Variants in DHRS13 observed in about 807,000 individuals in gnomAD.
DHRS13 encodes dehydrogenase/reductase 13.
In DHRS13, 22 loss-of-function variants were observed where a neutral mutation model predicts 17.9. The observed-to-expected ratio is 1.23, with a 90% CI of 0.88 to 1.75. The LOEUF (loss-of-function observed/expected upper bound fraction) is 1.75, where lower values mean the gene tolerates loss of function less well. Ranked by LOEUF, DHRS13 falls within the 40% of genes most tolerant of loss-of-function variation. The pLI is 0.00. For synonymous variants in DHRS13, 206 were observed against 220.4 expected, an observed-to-expected ratio of 0.93 and a Z score of 0.58; for missense variants, 483 against 519.9, an observed-to-expected ratio of 0.93 and a Z score of 0.69.
In DHRS13 at chr17:28,901,375, G is replaced by A. The variant is rs1179832232; in HGVS notation, c.371-74C>T. ...GCCTTGGCATCCCTATCTATGAGAT[G>A]GGAGAAGGGGGCATCCTTCCCATGT... On this transcript the variant is annotated intron_variant, in intron 3 of 4. Coordinates refer to ENST00000378895, the MANE Select transcript of DHRS13 (RefSeq NM_144683.4). This position sits in a 1 kb window ranked among gnomAD's most constrained non-coding sequence, Gnocchi z 4.3. The A allele has an allele frequency of 6.3e-7, 1 of 1,583,270 alleles. No individual in the cohort carries two copies. Among genetic ancestry groups the A allele is most frequent in the African/African-American group, 1.3e-5 (1 of 74,276 alleles).
In DHRS13 at chr17:28,898,515, G is replaced by A. The variant is rs2039778736; in HGVS notation, c.1060C>T (p.Gln354Ter). 1.9e-6 allele frequency: 3 copies of A among 1,608,020 alleles called. No homozygotes were observed. The highest frequency in any genetic ancestry group is 1.7e-6 in the Non-Finnish European group (2 of 1,177,136). The change falls in exon 5 of 5, where the codon CAG (glutamine) becomes TAG (stop). Residue 354 changes from glutamine (Q) to a stop codon, truncating the protein, a stop_gained. Transcript: ENST00000378895. LOFTEE classifies it high-confidence loss of function. ...ATCTTAGACAAATCTGGTGAGCTCTGAGGGCTGGGGTAAGGTTGAGAAACT... is the reference window on the plus strand; with the variant it reads ...ATCTTAGACAAATCTGGTGAGCTCTAAGGGCTGGGGTAAGGTTGAGAAACT... ...PTVSQPYPSP[Q>*]SSPDLSKMTH... is the part of the protein sequence containing the mutation.
rs1470118612 is a variant in DHRS13 at position 28,901,752 on chromosome 17, T to A, written c.247-136A>T. On this transcript the variant is annotated intron_variant, in intron 2 of 4. Transcript: ENST00000378895. This position sits in a 1 kb window ranked among gnomAD's most constrained non-coding sequence, Gnocchi z 4.3. ...TGTGTCTTAGAGTGTACTAGATAAG[T>A]GTGTGGATTCAAATCCTGACTTTGC... The A allele has an allele frequency of 7.1e-7, 1 of 1,402,056 alleles. No individual in the cohort carries two copies. Among genetic ancestry groups the A allele is most frequent in the African/African-American group, 1.4e-5 (1 of 69,272 alleles). 86.9% of individuals were successfully genotyped at this position (1,402,056 alleles called of 1,614,324 possible). A position where few individuals can be genotyped will look rare whatever the true frequency, so the allele number is the denominator to read the frequency against.
In DHRS13 at chr17:28,901,646, C is replaced by G. The variant is rs2039806919; in HGVS notation, c.247-30G>C. 6.2e-7 allele frequency: 1 copy of G among 1,611,268 alleles called. No individual in the cohort carries two copies. Among genetic ancestry groups the G allele is most frequent in the Non-Finnish European group, 8.5e-7 (1 of 1,177,760 alleles). ...GGAGAGGCAAGGGCTGGGCTTGTCA[C>G]CAGGCATCTCTCTCCTCTTCCCTCT... On this transcript the variant is annotated intron_variant, in intron 2 of 4. Transcript: ENST00000378895. The surrounding 1 kb of genome is among the most constrained non-coding windows in gnomAD (Gnocchi z 4.3).
Position 28,898,714 on chromosome 17 carries a change from C to T in DHRS13, c.861G>A (p.Val287=). ...LSGRYFANCH[V]EEVPPAARDD... Reference sequence around the variant, plus strand: ...CTCGGGCAGCTGGAGGCACCTCTTCCACATGGCAGTTGGCAAAATATCTCC... The same window carrying T: ...CTCGGGCAGCTGGAGGCACCTCTTCTACATGGCAGTTGGCAAAATATCTCC... Residue 287 remains valine (V), a synonymous_variant, in exon 5 of 5, where the codon GTG becomes GTA. Coordinates refer to ENST00000378895, the MANE Select transcript of DHRS13 (RefSeq NM_144683.4). The T allele has an allele frequency of 6.2e-7, 1 of 1,614,018 alleles. No individual in the cohort carries two copies. The highest frequency in any genetic ancestry group is 8.5e-7 in the Non-Finnish European group (1 of 1,179,932).
Position 28,901,841 on chromosome 17 carries a change from CG to C in DHRS13, c.247-226del, listed in dbSNP as rs2039808255. ...TCTCTGGGTCTCAGTTCTCTCACTG[CG>C]TAAAGGGAATAATAATAACAACAGT... On this transcript the variant is annotated intron_variant, in intron 2 of 4. Coordinates refer to ENST00000378895, the MANE Select transcript of DHRS13 (RefSeq NM_144683.4). The surrounding 1 kb of genome is among the most constrained non-coding windows in gnomAD (Gnocchi z 4.3). 3.3e-6 allele frequency: 2 copies of C among 601,132 alleles called. No individual in the cohort carries two copies. Among genetic ancestry groups the C allele is most frequent in the Non-Finnish European group, 5.6e-6 (2 of 357,636 alleles). 37.2% of individuals were successfully genotyped at this position (601,132 alleles called of 1,614,324 possible). A position where few individuals can be genotyped will look rare whatever the true frequency, so the allele number is the denominator to read the frequency against.
chr17:28,903,058 C>T lies in DHRS13; in HGVS notation c.-114G>A. The T allele has an allele frequency of 8.0e-6, 8 of 993,994 alleles. No homozygotes were observed. The highest frequency in any genetic ancestry group is 9.0e-6 in the Non-Finnish European group (7 of 777,168). The allele number at this position is 993,994 out of a possible 1,614,324, so 61.6% of individuals were successfully genotyped here. On this transcript the variant is annotated 5_prime_UTR_variant, in exon 1 of 5. Coordinates refer to ENST00000378895, the MANE Select transcript of DHRS13 (RefSeq NM_144683.4). The surrounding 1 kb of genome is among the most constrained non-coding windows in gnomAD (Gnocchi z 4.8). The stretch of plus-strand genomic sequence containing the variant: ...AACGGCGCCCGGGCGCGTCAGCCTC[C>T]GAAGGCGGAGGCGGGCAGGAGGCTG...
At position 28,901,400 on chromosome 17, in the gene DHRS13, T is replaced by C; in HGVS notation, c.370+93A>G. ...GGGAGAAGGGGGCATCCTTCCCATG[T>C]GTCCACTGGCCCCAGCAGGGCCCCC... On this transcript the variant is annotated intron_variant, in intron 3 of 4. Transcript: ENST00000378895. This position sits in a 1 kb window ranked among gnomAD's most constrained non-coding sequence, Gnocchi z 4.3. 1 of 1,597,272 alleles carries C rather than the reference T, an allele frequency of 6.3e-7. No individual in the cohort carries two copies. Among genetic ancestry groups the C allele is most frequent in the South Asian group, 1.1e-5 (1 of 88,988 alleles).
At position 28,902,695 on chromosome 17, in the gene DHRS13, T is replaced by C. The variant is rs2039816420; in HGVS notation, c.134A>G (p.Asn45Ser). The change falls in exon 2 of 5, where the codon AAC becomes AGC. Residue 45 changes from asparagine (N) to serine (S), a missense_variant. Transcript: ENST00000378895. The surrounding 1 kb of genome is among the most constrained non-coding windows in gnomAD (Gnocchi z 4.0). ...CGCCGTCATCTTTCCGATGCCGCTG[T>C]TGGCGCCTGCGGACCGCGGGCGGGA... ...RGRTAVVTGA[N>S]SGIGKMTALE... is the part of the protein sequence containing the mutation. The C allele has an allele frequency of 7.3e-7, 1 of 1,370,446 alleles. No homozygotes were observed. The highest frequency in any genetic ancestry group is 1.7e-5 in the South Asian group (1 of 59,252). The allele number at this position is 1,370,446 out of a possible 1,614,324, so 84.9% of individuals were successfully genotyped here.
In DHRS13 at chr17:28,899,282, T is replaced by A. The variant is rs983433872; in HGVS notation, c.683-390A>T. ...CTCAGTCTCTCTCCATCTTTTCTTCTAGCTCAAGTCCTGTTCCTTGTTTAA... is the reference window on the plus strand; with the variant it reads ...CTCAGTCTCTCTCCATCTTTTCTTCAAGCTCAAGTCCTGTTCCTTGTTTAA... On this transcript the variant is annotated intron_variant, in intron 4 of 4. Transcript: ENST00000378895. This position sits in a 1 kb window ranked among gnomAD's most constrained non-coding sequence, Gnocchi z 4.7. 3 of 185,068 alleles carry A rather than the reference T, an allele frequency of 1.6e-5. No individual in the cohort carries two copies. The highest frequency in any genetic ancestry group is 3.3e-5 in the Non-Finnish European group (3 of 89,904). 11.5% of individuals were successfully genotyped at this position (185,068 alleles called of 1,614,324 possible).
At position 28,901,654 on chromosome 17, in the gene DHRS13, C is replaced by T; in HGVS notation, c.247-38G>A. On this transcript the variant is annotated intron_variant, in intron 2 of 4. Transcript: ENST00000378895. The surrounding 1 kb of genome is among the most constrained non-coding windows in gnomAD (Gnocchi z 4.3). ...AAGGGCTGGGCTTGTCACCAGGCAT[C>T]TCTCTCCTCTTCCCTCTCCCCAGGC... The T allele has an allele frequency of 6.2e-7, 1 of 1,610,368 alleles. No individual in the cohort carries two copies. Among genetic ancestry groups the T allele is most frequent in the Non-Finnish European group, 8.5e-7 (1 of 1,177,156 alleles).
rs775491422 is a variant in DHRS13, at chr17:28,901,142, C to T, written c.530G>A (p.Arg177His). The change falls in exon 4 of 5, where the codon CGT becomes CAT. Residue 177 changes from arginine (R) to histidine (H), a missense_variant. Arg to His is a conservative substitution (Grantham distance 29, BLOSUM62 0). Coordinates refer to ENST00000378895, the MANE Select transcript of DHRS13 (RefSeq NM_144683.4). The surrounding 1 kb of genome is among the most constrained non-coding windows in gnomAD (Gnocchi z 4.3). ...GCGGTCCAGGCGTTTGAAGTCAAGA[C>T]GTCCCCGACAGTGGGCAGCTGAGGC... ...VVASAAHCRG[R>H]LDFKRLDRPV... 20 of 1,614,050 alleles carry T rather than the reference C, an allele frequency of 1.2e-5. No homozygotes were observed. Among genetic ancestry groups the T allele is most frequent in the African/African-American group, 5.3e-5 (4 of 74,928 alleles).
chr17:28,898,990 C>T (rs776828421), intron 4 of DHRS13, 98 bp from the exon 5 acceptor site: 1 of 1,270,238 alleles, frequency 7.9e-7, no homozygotes, highest in Non-Finnish European at 1.1e-6. Flanking sequence ...TCACTTGAGC[C>T]CAGGAGTTTG....
At position 28,902,543 on chromosome 17, in the gene DHRS13, T is replaced by C; in HGVS notation, c.246+40A>G. The C allele has an allele frequency of 6.9e-7, 1 of 1,446,978 alleles. No homozygotes were observed. Among genetic ancestry groups the C allele is most frequent in the Non-Finnish European group, 9.0e-7 (1 of 1,106,200 alleles). The allele number at this position is 1,446,978 out of a possible 1,614,324, so 89.6% of individuals were successfully genotyped here. A position where few individuals can be genotyped will look rare whatever the true frequency, so the allele number is the denominator to read the frequency against. ...GCTGGCTTCTCTGTGTCCCGGCGGG[T>C]TCTCGGCTCACCGTCCCACGCGCCC... On this transcript the variant is annotated intron_variant, in intron 2 of 4. Transcript: ENST00000378895. This position sits in a 1 kb window ranked among gnomAD's most constrained non-coding sequence, Gnocchi z 4.0.
rs2039775894 is a variant in DHRS13, at chr17:28,898,270, C to T, written c.*171G>A. 1 of 652,682 alleles carries T rather than the reference C, an allele frequency of 1.5e-6. No homozygotes were observed. The highest frequency in any genetic ancestry group is 2.6e-6 in the Non-Finnish European group (1 of 389,062). The allele number at this position is 652,682 out of a possible 1,614,324, so 40.4% of individuals were successfully genotyped here. On this transcript the variant is annotated 3_prime_UTR_variant, in exon 5 of 5. Transcript: ENST00000378895. ...TGTCACTCTCAGGAAGAAATAATCA[C>T]CCATTATTCCTTCAACCAGGAAAAG... is the stretch of plus-strand genomic sequence containing the variant.
Position 28,899,023 on chromosome 17 carries a change from C to A in DHRS13, c.683-131G>T. On this transcript the variant is annotated intron_variant, in intron 4 of 4. Coordinates refer to ENST00000378895, the MANE Select transcript of DHRS13 (RefSeq NM_144683.4). The surrounding 1 kb of genome is among the most constrained non-coding windows in gnomAD (Gnocchi z 4.7). ...TTGAGACCAGACTGGGCAACATAGT[C>A]AAGCTCTGTCTCTTTAAAAAAAAAA... 2.8e-6 allele frequency: 2 copies of A among 726,542 alleles called. No homozygotes were observed. Among genetic ancestry groups the A allele is most frequent in the Admixed American group, 3.5e-5 (1 of 28,632 alleles). 45.0% of individuals were successfully genotyped at this position (726,542 alleles called of 1,614,324 possible). A position where few individuals can be genotyped will look rare whatever the true frequency, so the allele number is the denominator to read the frequency against.
In DHRS13 at chr17:28,901,971, C is replaced by T. The variant is rs2152652749; in HGVS notation, c.247-355G>A. The T allele has an allele frequency of 4.9e-6, 1 of 205,134 alleles. No individual in the cohort carries two copies. Among genetic ancestry groups the T allele is most frequent in the African/African-American group, 2.3e-5 (1 of 42,810 alleles). 12.7% of individuals were successfully genotyped at this position (205,134 alleles called of 1,614,324 possible). On this transcript the variant is annotated intron_variant, in intron 2 of 4. Coordinates refer to ENST00000378895, the MANE Select transcript of DHRS13 (RefSeq NM_144683.4). This position sits in a 1 kb window ranked among gnomAD's most constrained non-coding sequence, Gnocchi z 4.3. ...GCTATTATTATTATCACCTCCTTTC[C>T]CCATTACCATTTACCCTAAAATCTG...
chr17:28,902,019 C>A lies in DHRS13; in HGVS notation c.247-403G>T. 5.5e-6 allele frequency: 1 copy of A among 182,048 alleles called. No individual in the cohort carries two copies. The highest frequency in any genetic ancestry group is 9.8e-5 in the South Asian group (1 of 10,182). The allele number at this position is 182,048 out of a possible 1,614,324, so 11.3% of individuals were successfully genotyped here. On this transcript the variant is annotated intron_variant, in intron 2 of 4. Transcript: ENST00000378895. This position sits in a 1 kb window ranked among gnomAD's most constrained non-coding sequence, Gnocchi z 4.0. The stretch of plus-strand genomic sequence containing the variant: ...CTGTAACTTCTCACTGGTCTCCTCT[C>A]TCCCGCTCTTGCCCCCCCACTCCAG...
rs2039814080 is a variant in DHRS13 at position 28,902,451 on chromosome 17, C to G, written c.246+132G>C. The G allele has an allele frequency of 2.0e-6, 2 of 991,684 alleles. No individual in the cohort carries two copies. Among genetic ancestry groups the G allele is most frequent in the African/African-American group, 1.7e-5 (1 of 58,076 alleles). 61.4% of individuals were successfully genotyped at this position (991,684 alleles called of 1,614,324 possible). Reference sequence around the variant, plus strand: ...GGGTGACCCCAGCGCTCCGTGCACTCCCTCTTCGCGCTCAGCCGCCCGCGC... The same window carrying G: ...GGGTGACCCCAGCGCTCCGTGCACTGCCTCTTCGCGCTCAGCCGCCCGCGC... On this transcript the variant is annotated intron_variant, in intron 2 of 4. Coordinates refer to ENST00000378895, the MANE Select transcript of DHRS13 (RefSeq NM_144683.4). This position sits in a 1 kb window ranked among gnomAD's most constrained non-coding sequence, Gnocchi z 4.0.
Position 28,902,803 on chromosome 17 carries a change from C to G in DHRS13, c.127+15G>C, listed in dbSNP as rs1327948611. The G allele has an allele frequency of 4.0e-6, 6 of 1,514,450 alleles. No homozygotes were observed. Among genetic ancestry groups the G allele is most frequent in the Non-Finnish European group, 3.5e-6 (4 of 1,139,710 alleles). The allele number at this position is 1,514,450 out of a possible 1,614,324, so 93.8% of individuals were successfully genotyped here. A position where few individuals can be genotyped will look rare whatever the true frequency, so the allele number is the denominator to read the frequency against. On this transcript the variant is annotated intron_variant, in intron 1 of 4. Coordinates refer to ENST00000378895, the MANE Select transcript of DHRS13 (RefSeq NM_144683.4). The surrounding 1 kb of genome is among the most constrained non-coding windows in gnomAD (Gnocchi z 4.0). ...CGCGCCCCGCCAGCTCGCACTCACC[C>G]GCCTCCGCACTCACCCGTGACCACG...
Sources: allele counts gnomAD v4.1 joint callset, GRCh38; gene constraint gnomAD v4.1.1; non-coding constraint Gnocchi (gnomAD v3.1); transcripts MANE v1.5; gene names NCBI Gene and HGNC (gene_info 2026-07-23, HGNC 2026-07-21).